CEP41: variants seen among roughly 807,000 people sequenced by gnomAD.
CEP41 encodes centrosomal protein of 41 kDa.
CEP41 carries 32 observed loss-of-function variants against 44.3 expected under a neutral mutation model. The observed-to-expected ratio is 0.72, with a 90% confidence interval of 0.54 to 0.97. CEP41 has a LOEUF of 0.97. Among genes scored for constraint, CEP41 ranks in the 50% least tolerant of loss-of-function variants. The pLI is 0.00. For missense variants in CEP41, 432 were observed against 455.2 expected, an observed-to-expected ratio of 0.95 and a Z score of 0.46; for synonymous variants, 151 against 168.5, an observed-to-expected ratio of 0.90 and a Z score of 0.80.
At chr7:130,441,242 C>A, upstream of CEP41, 1 of 223,562 alleles carries the variant, frequency 4.5e-6, no homozygotes, top group Non-Finnish European at 8.4e-6. Flanking sequence ...AGCCTTAGGG[C>A]GGGAAGAGAG....
intron 5 of CEP41, 183 bp downstream of exon 5, chr7:130,410,939 G>A: frequency 1.5e-6 from 1 of 658,846 alleles, no homozygotes; most frequent in South Asian, 1.8e-5. Context: ...AAACCAGATG[G>A]CTTTTTAAAA....
Position 130,411,117 on chromosome 7 carries a change from A to AT in CEP41, c.277+4dup. The AT allele has an allele frequency of 1.2e-6, 2 of 1,611,730 alleles. No homozygotes were observed. The highest frequency in any genetic ancestry group is 2.2e-5 in the South Asian group (2 of 91,018). ...TATTTTCCCCACACCCTCAATTCTCATTACCTTCCAGCCTTTGAATCTCCT... is the reference window on the plus strand; with the variant it reads ...TATTTTCCCCACACCCTCAATTCTCATTTACCTTCCAGCCTTTGAATCTCCT... On this transcript the variant is annotated splice_donor_region_variant and intron_variant, in intron 5 of 10. Coordinates refer to ENST00000223208, the MANE Select transcript of CEP41 (RefSeq NM_018718.3).
rs55776575 is a variant in CEP41 at position 130,397,506 on chromosome 7, ATTTTTTTTTTTTTTT to A, written c.*1370_*1384del. On this transcript the variant is annotated 3_prime_UTR_variant, in exon 11 of 11. Transcript: ENST00000223208. ...CCCCATGCTAGAAATACTGTGGTGC[ATTTTTTTTTTTTTTT>A]TTTTTTTTTTTTGGTGGCGAGAAAA... 6 of 303,720 alleles carry A rather than the reference ATTTTTTTTTTTTTTT, an allele frequency of 2.0e-5. No homozygotes were observed. The highest frequency in any genetic ancestry group is 3.6e-5 in the Non-Finnish European group (6 of 168,222). 18.8% of individuals were successfully genotyped at this position (303,720 alleles called of 1,614,324 possible). A position where few individuals can be genotyped will look rare whatever the true frequency, so the allele number is the denominator to read the frequency against.
intron 2 of CEP41, chr7:130,419,633 C>A (rs1797441467): frequency 1.0e-6 from 1 of 984,584 alleles, no homozygotes; most frequent in Admixed American, 6.2e-5. Context: ...CCAGATAAGA[C>A]TTTTTGATCA....
chr7:130,400,130 T>C lies in CEP41; in HGVS notation c.882A>G (p.Leu294=), dbSNP rs782618215. The part of the protein sequence containing the change: ...RKRSSPKGPP[L]PAENKWRFTP... Reference sequence around the variant, plus strand: ...TAAATCTCCATTTATTCTCAGCTGGTAGGGGTGGCCCTTTGGGGCTGGATC... The same window carrying C: ...TAAATCTCCATTTATTCTCAGCTGGCAGGGGTGGCCCTTTGGGGCTGGATC... Residue 294 remains leucine (L), a synonymous_variant, in exon 10 of 11, where the codon CTA becomes CTG. Coordinates refer to ENST00000223208, the MANE Select transcript of CEP41 (RefSeq NM_018718.3). 10 of 1,613,736 alleles carry C rather than the reference T, an allele frequency of 6.2e-6. No individual in the cohort carries two copies. Among genetic ancestry groups the C allele is most frequent in the Non-Finnish European group, 7.6e-6 (9 of 1,179,798 alleles).
Position 130,397,539 on chromosome 7 carries a change from C to T in CEP41, c.*1352G>A, listed in dbSNP as rs1380245671. 4.8e-5 allele frequency: 14 copies of T among 289,998 alleles called. No individual in the cohort carries two copies. The highest frequency in any genetic ancestry group is 1.2e-3 in the Middle Eastern group (1 of 816). The allele number at this position is 289,998 out of a possible 1,614,324, so 18.0% of individuals were successfully genotyped here. On this transcript the variant is annotated 3_prime_UTR_variant, in exon 11 of 11. Coordinates refer to ENST00000223208, the MANE Select transcript of CEP41 (RefSeq NM_018718.3). ...TTTTTTTTTTTTTTTTTTTTGGTGG[C>T]GAGAAAATAGTACTGTTAAGGCAAA...
rs1554413725 is a variant in CEP41 at position 130,394,473 on chromosome 7, A to G, written c.*4418T>C. The G allele has an allele frequency of 2.2e-6, 1 of 453,940 alleles. No individual in the cohort carries two copies. The allele number at this position is 453,940 out of a possible 1,614,324, so 28.1% of individuals were successfully genotyped here. ...AGATTTGAAACAAAAGAGAAAACCT[A>G]CTCTTAAGATGGGGGTGGTGTGTGA... On this transcript the variant is annotated 3_prime_UTR_variant, in exon 11 of 11. Transcript: ENST00000223208.
intron 2 of CEP41, chr7:130,419,535 T>G (rs3735055): frequency 0.16 from 158,136 of 983,538 alleles, 12,784 homozygotes; most frequent in South Asian, 0.19. Context: ...ATGGCTTTGT[T>G]TCATACAAAA....
intron 1 of CEP41, among the ~76,000 whole-genome samples, chr7:130,430,956 GGA>G (rs1584904491): frequency 6.6e-6 from 1 of 152,124 alleles, no homozygotes; most frequent in African/African-American, 2.4e-5. Context: ...AATGATGAGG[GGA>G]GAGAGTGTGG....
chr7:130,424,143 T>C (rs1797591508), intron 2 of CEP41, among the ~76,000 whole-genome samples: 1 of 152,204 alleles, frequency 6.6e-6, no homozygotes, highest in African/African-American at 2.4e-5. Context: ...ATGCCTGTAA[T>C]TTCAGCACTT....
chr7:130,419,596 T>A, intron 2 of CEP41: 1 of 983,984 alleles, frequency 1.0e-6, no homozygotes, highest in Non-Finnish European at 1.2e-6. Flanking sequence ...AAAATTGAAA[T>A]TACACATTAC....
At chr7:130,418,456 C>T (rs1301338559) in intron 2 of CEP41, among the ~76,000 whole-genome samples, 3 of 152,290 alleles carry the variant, frequency 2.0e-5, no homozygotes, top group Non-Finnish European at 4.4e-5. Context: ...CGGAAGAAGA[C>T]GGCAAATCAG....
chr7:130,407,671 G>A (rs1419686898), intron 5 of CEP41, among the ~76,000 whole-genome samples: 2 of 151,970 alleles, frequency 1.3e-5, no homozygotes, highest in Admixed American at 6.6e-5. Context: ...TAATCACCTC[G>A]TGTCATATAT....
intron 3 of CEP41, among the ~76,000 whole-genome samples, chr7:130,415,342 G>T (rs1240945046): frequency 6.6e-6 from 1 of 152,190 alleles, no homozygotes; most frequent in Non-Finnish European, 1.5e-5. Flanking sequence ...ACTTACAACA[G>T]AAAATGGGGA....
intron 1 of CEP41, 152 bp downstream of exon 1, chr7:130,440,782 G>GCCC: frequency 5.6e-6 from 3 of 531,114 alleles, no homozygotes; most frequent in East Asian, 4.0e-5. Flanking sequence ...CCCAAGCCCG[G>GCCC]CCCGCCCCGC....
chr7:130,403,522 A>T (rs564351045), intron 6 of CEP41, among the ~76,000 whole-genome samples: 1 of 152,356 alleles, frequency 6.6e-6, no homozygotes, highest in East Asian at 1.9e-4. Flanking sequence ...ACATGAATCA[A>T]AGTAATAACA....
intron 5 of CEP41, chr7:130,410,835 T>C (rs782549685): frequency 2.1e-6 from 1 of 469,236 alleles, no homozygotes; most frequent in Non-Finnish European, 3.9e-6. Context: ...ACTTAATGTG[T>C]AGGTACAAAG....
At chr7:130,427,445 C>G (rs1437707847) in intron 2 of CEP41, among the ~76,000 whole-genome samples, 1 of 152,100 alleles carries the variant, frequency 6.6e-6, no homozygotes, top group Non-Finnish European at 1.5e-5. Flanking sequence ...GTTACTCATT[C>G]AAGTCTGTCT....
rs1356450675 is a variant in CEP41 at position 130,396,721 on chromosome 7, T to C, written c.*2170A>G. 11 of 454,374 alleles carry C rather than the reference T, an allele frequency of 2.4e-5. No individual in the cohort carries two copies. The highest frequency in any genetic ancestry group is 2.2e-4 in the African/African-American group (11 of 50,008). The allele number at this position is 454,374 out of a possible 1,614,324, so 28.1% of individuals were successfully genotyped here. On this transcript the variant is annotated 3_prime_UTR_variant, in exon 11 of 11. Transcript: ENST00000223208. ...TGCAAAACGCAGATTAGAACAGCTC[T>C]TTTGAGCATGGTTATTTAAAATCCT...
Sources: gnomAD v4.1 joint callset for allele counts (sites outside exome capture counted in the v4.1 genomes callset) on GRCh38, gnomAD v4.1.1 for gene constraint, MANE v1.5 for transcripts, NCBI Gene and HGNC (gene_info 2026-07-23, HGNC 2026-07-21) for gene names.